Variants in MCPH1 observed in about 807,000 individuals in gnomAD.
The protein encoded by MCPH1 is microcephalin 1, also known as microcephalin.
A neutral mutation model predicts 84.5 loss-of-function variants in MCPH1; 104 were observed. The ratio of observed to expected loss-of-function variants is 1.23; its 90% CI spans 1.05 to 1.45. MCPH1 has a LOEUF of 1.45. Among genes scored for constraint, MCPH1 ranks in the 40% most tolerant of loss-of-function variants. The pLI is 0.00. For synonymous variants in MCPH1, 514 were observed against 366.8 expected (o/e 1.40, Z -4.58); for missense variants, 1,498 against 1,005.7 (o/e 1.49, Z -6.62).
At chr8:6,618,234 GATA>G in intron 12 of MCPH1, among the ~76,000 whole-genome samples, 1 of 152,334 alleles carries the variant, frequency 6.6e-6, no homozygotes, top group Admixed American at 6.5e-5. Flanking sequence ...AGCCAGTGGT[GATA>G]CAATGAGAAC....
chr8:6,479,944 G>C (rs1808974042), intron 10 of MCPH1, among the ~76,000 whole-genome samples: 1 of 151,946 alleles, frequency 6.6e-6, no homozygotes, highest in African/African-American at 2.4e-5. Flanking sequence ...TCCCCTCTTA[G>C]TAGAAAAACT....
At chr8:6,569,883 GCTGGA>G (rs1254105192) in intron 12 of MCPH1, among the ~76,000 whole-genome samples, 1 of 152,200 alleles carries the variant, frequency 6.6e-6, no homozygotes, top group African/African-American at 2.4e-5. Context: ...GTTCTCTTGA[GCTGGA>G]GCCACTGGGT....
At position 6,444,496 on chromosome 8, in the gene MCPH1, T is replaced by G; in HGVS notation, c.774T>G (p.Ile258Met). 1 of 1,614,158 alleles carries G rather than the reference T, an allele frequency of 6.2e-7. No individual in the cohort carries two copies. The highest frequency in any genetic ancestry group is 1.1e-5 in the South Asian group (1 of 91,084). Residue 258 changes from isoleucine (I) to methionine (M), a missense_variant, in exon 8 of 14, where the codon ATT becomes ATG. Physicochemically the swap from Ile to Met is conservative, Grantham distance 10. Coordinates refer to ENST00000344683, the MANE Select transcript of MCPH1 (RefSeq NM_024596.5). ...AGTTGGAAGGATCCATTAATGACAT[T>G]AAAAGTGATGTGTGTATTTCTTCAC... is the stretch of plus-strand genomic sequence containing the variant. ...ERKLEGSIND[I>M]KSDVCISSLV...
At chr8:6,554,481 A>G (rs1824239150) in intron 12 of MCPH1, among the ~76,000 whole-genome samples, 1 of 152,174 alleles carries the variant, frequency 6.6e-6, no homozygotes, top group African/African-American at 2.4e-5. Flanking sequence ...TCTATATCTT[A>G]GTATCTCATC....
intron 12 of MCPH1, among the ~76,000 whole-genome samples, chr8:6,580,198 C>G (rs1330069155): frequency 6.6e-6 from 1 of 152,194 alleles, no homozygotes; most frequent in Non-Finnish European, 1.5e-5. Context: ...ATATGACGGC[C>G]TCAGACCCCA....
At chr8:6,595,846 G>A (rs1182210161) in intron 12 of MCPH1, among the ~76,000 whole-genome samples, 1 of 152,176 alleles carries the variant, frequency 6.6e-6, no homozygotes, top group African/African-American at 2.4e-5. Flanking sequence ...AATTGGGCAG[G>A]CAACGGCCCT....
At chr8:6,634,566 G>A (rs777326324) in intron 13 of MCPH1, among the ~76,000 whole-genome samples, 3 of 152,182 alleles carry the variant, frequency 2.0e-5, no homozygotes, top group African/African-American at 4.8e-5. Context: ...GCTTTTGTCC[G>A]TGCTGTTTTC....
At chr8:6,504,189 A>G (rs7841673) in intron 12 of MCPH1, among the ~76,000 whole-genome samples, 34,306 of 151,184 alleles carry the variant, frequency 0.23, 4,406 homozygotes, top group East Asian at 0.48. Flanking sequence ...GTGGTGGCGG[A>G]CGCCTGTAGT....
rs17063434 is a variant in MCPH1 at position 6,513,782 on chromosome 8, A to G, written c.2214+13853A>G. The G allele has an allele frequency of 0.056, 91,168 of 1,613,782 alleles. 2,748 individuals carry two copies. The highest frequency in any genetic ancestry group is 0.081 in the African/African-American group (6,070 of 75,010). On this transcript the variant is annotated intron_variant, in intron 12 of 13. Transcript: ENST00000344683. Reference sequence around the variant, plus strand: ...GTATTTTAAGCACATAGCGTTGCTGATTAGTCAGTTGCGAAACAAACTCAT... The same window carrying G: ...GTATTTTAAGCACATAGCGTTGCTGGTTAGTCAGTTGCGAAACAAACTCAT...
chr8:6,589,427 C>T (rs1403342401), intron 12 of MCPH1, among the ~76,000 whole-genome samples: 1 of 152,180 alleles, frequency 6.6e-6, no homozygotes, highest in Non-Finnish European at 1.5e-5. Flanking sequence ...CCAATGAGTT[C>T]ATCGACGGCC....
Position 6,488,658 on chromosome 8 carries a change from C to T in MCPH1, c.2136+7782C>T, listed in dbSNP as rs1256320253. On this transcript the variant is annotated intron_variant, in intron 11 of 13. Transcript: ENST00000344683. ...GCAAGAAAGAGAAATACCTGAGGCA[C>T]CGGGAGTGAGGAGGACAGGTGTTGG... Among the ~76,000 whole-genome samples the T allele has an allele frequency of 3.9e-5, 6 of 152,250 alleles. 1 individual carries two copies. The highest frequency in any genetic ancestry group is 3.9e-4 in the Admixed American group (6 of 15,294).
intron 12 of MCPH1, among the ~76,000 whole-genome samples, chr8:6,588,708 T>C (rs912946464): frequency 1.3e-4 from 20 of 152,266 alleles, no homozygotes; most frequent in African/African-American, 4.8e-4. Flanking sequence ...ACCTCAGTTT[T>C]GAATGTTACA....
At chr8:6,493,638 A>T (rs966470490) in intron 11 of MCPH1, among the ~76,000 whole-genome samples, 1 of 152,114 alleles carries the variant, frequency 6.6e-6, no homozygotes, top group Non-Finnish European at 1.5e-5. Flanking sequence ...TGAAGTGCAG[A>T]TCCTGGTTCA....
At chr8:6,520,031 T>A in intron 12 of MCPH1, 1 of 1,606,752 alleles carries the variant, frequency 6.2e-7, no homozygotes, top group Non-Finnish European at 8.5e-7. Context: ...ACGGAGTTCA[T>A]GAAAAGACAA....
intron 8 of MCPH1, among the ~76,000 whole-genome samples, chr8:6,449,069 G>T (rs193188838): frequency 6.6e-6 from 1 of 152,242 alleles, no homozygotes; most frequent in Admixed American, 6.5e-5. Context: ...GATTGCAAAT[G>T]TTTATTAAGG....
At chr8:6,463,725 A>G (rs539727772) in intron 9 of MCPH1, among the ~76,000 whole-genome samples, 1 of 152,190 alleles carries the variant, frequency 6.6e-6, no homozygotes, top group East Asian at 1.9e-4. Context: ...ACTTGAGCCA[A>G]TTTTCATGTA....
At chr8:6,523,922 A>T (rs1193777677) in intron 12 of MCPH1, among the ~76,000 whole-genome samples, 3 of 150,894 alleles carry the variant, frequency 2.0e-5, no homozygotes, top group Admixed American at 6.6e-5. Context: ...ATACAAGAGG[A>T]AAATTGGATA....
At chr8:6,632,628 T>G (rs1586880194) in intron 13 of MCPH1, among the ~76,000 whole-genome samples, 2 of 152,006 alleles carry the variant, frequency 1.3e-5, no homozygotes, top group South Asian at 4.2e-4. Context: ...GCTAACACAG[T>G]GAAACCCCAT....
At chr8:6,567,164 C>A (rs13271951) in intron 12 of MCPH1, among the ~76,000 whole-genome samples, 1 of 23,270 alleles carries the variant, frequency 4.3e-5, no homozygotes, top group Admixed American at 5.9e-4. Context: ...GTGCCCGTGG[C>A]GTGGTGTCCA....
Sources: gnomAD v4.1 joint callset for allele counts (sites outside exome capture counted in the v4.1 genomes callset) on GRCh38, gnomAD v4.1.1 for gene constraint, MANE v1.5 for transcripts, NCBI Gene and HGNC (gene_info 2026-07-23, HGNC 2026-07-21) for gene names.